ZNF831: variants seen among roughly 807,000 people sequenced by gnomAD.
The protein encoded by ZNF831 is zinc finger protein 831.
Under a neutral mutation model 95.8 loss-of-function variants are expected in ZNF831, and 59 were observed. The observed-to-expected ratio is 0.62, with a 90% CI of 0.50 to 0.77. The LOEUF (loss-of-function observed/expected upper bound fraction) is 0.77. Among genes scored for constraint, ZNF831 ranks in the 30% least tolerant of loss-of-function variants. The pLI, the probability that ZNF831 is intolerant of heterozygous loss-of-function variation, is 0.00. For synonymous variants in ZNF831, 961 were observed against 925.5 expected (o/e 1.04, Z -0.70); for missense variants, 2,205 against 2,164.0 (o/e 1.02, Z -0.38).
chr20:59,199,631 C>T (rs1379947802), intron 3 of ZNF831, among the ~76,000 whole-genome samples: 1 of 152,026 alleles, frequency 6.6e-6, no homozygotes, highest in African/African-American at 2.4e-5. Flanking sequence ...TCATATGCTT[C>T]CTAATATTTG....
intron 1 of ZNF831, among the ~76,000 whole-genome samples, chr20:59,175,366 A>G (rs1316045761): frequency 2.0e-5 from 3 of 152,068 alleles, no homozygotes. Context: ...CTCTGATGAT[A>G]GGAATATTAG....
At position 59,194,587 on chromosome 20, in the gene ZNF831, C is replaced by G. The variant is rs202068818; in HGVS notation, c.3568C>G (p.Arg1190Gly). ...GCGGCTCACGTGGTGTTGCCTGAGCCGCAGTGTCCCTCTGCCCGCGGAGCA... is the reference window on the plus strand; with the variant it reads ...GCGGCTCACGTGGTGTTGCCTGAGCGGCAGTGTCCCTCTGCCCGCGGAGCA... ...EPRLTWCCLS[R>G]SVPLPAEQKA... is the part of the protein sequence containing the mutation. Residue 1190 changes from arginine (R) to glycine (G), a missense_variant, in exon 2 of 6, where the codon CGC becomes GGC. Physicochemically the swap from Arg to Gly is moderately radical, Grantham distance 125. Coordinates refer to ENST00000371030, the MANE Select transcript of ZNF831 (RefSeq NM_178457.3). 14 of 1,610,382 alleles carry G rather than the reference C, an allele frequency of 8.7e-6. No individual in the cohort carries two copies. The highest frequency in any genetic ancestry group is 1.3e-5 in the African/African-American group (1 of 74,854).
intron 4 of ZNF831, among the ~76,000 whole-genome samples, chr20:59,231,244 G>T (rs1020139552): frequency 6.6e-6 from 1 of 152,220 alleles, no homozygotes; most frequent in African/African-American, 2.4e-5. Flanking sequence ...ATGTACTGTA[G>T]CTGGAAAATA....
intron 4 of ZNF831, among the ~76,000 whole-genome samples, chr20:59,226,848 T>G (rs1986461675): frequency 6.6e-6 from 1 of 152,016 alleles, no homozygotes; most frequent in Non-Finnish European, 1.5e-5. Context: ...GCATTTCACT[T>G]TCATCCCAGC....
At chr20:59,144,772 A>G (rs960428760) in intron 1 of ZNF831, among the ~76,000 whole-genome samples, 5 of 152,196 alleles carry the variant, frequency 3.3e-5, no homozygotes, top group African/African-American at 7.2e-5. Context: ...CACTGCCAAC[A>G]TAAGTGCGTC....
chr20:59,186,662 G>C (rs1020779350), intron 1 of ZNF831, among the ~76,000 whole-genome samples: 1 of 152,192 alleles, frequency 6.6e-6, no homozygotes, highest in African/African-American at 2.4e-5. Context: ...AGGTTGCAGC[G>C]TCTTGAGGTA....
intron 3 of ZNF831, among the ~76,000 whole-genome samples, chr20:59,200,151 T>C (rs1032953263): frequency 3.9e-5 from 6 of 152,212 alleles, no homozygotes; most frequent in African/African-American, 1.4e-4. Context: ...TGGTGTTCCA[T>C]AGTTTTACTT....
intron 4 of ZNF831, among the ~76,000 whole-genome samples, chr20:59,228,396 TGA>T (rs1166457162): frequency 1.3e-5 from 2 of 151,440 alleles, no homozygotes; most frequent in South Asian, 2.1e-4. Flanking sequence ...AGTTGGCTGC[TGA>T]CAGCCAACTA....
chr20:59,142,040 C>T (rs540504131), intron 1 of ZNF831, among the ~76,000 whole-genome samples: 28 of 152,218 alleles, frequency 1.8e-4, no homozygotes, highest in African/African-American at 6.5e-4. Context: ...TCTGTGTGGC[C>T]CCACAGCAAT....
At chr20:59,223,896 C>T (rs1299527060) in intron 4 of ZNF831, among the ~76,000 whole-genome samples, 1 of 152,218 alleles carries the variant, frequency 6.6e-6, no homozygotes, top group Non-Finnish European at 1.5e-5. Context: ...TAGTTTGAGA[C>T]CTTTACTTCA....
rs150626704 is a variant in ZNF831 at position 59,188,553 on chromosome 20, C to T, written c.-36-2431C>T. ...ACGCCTGTAGTCCCAGCTACTCAGG[C>T]GGCTGAGGCATGAGAATCGCTTGAA... On this transcript the variant is annotated intron_variant, in intron 1 of 5. Transcript: ENST00000371030. Among the ~76,000 whole-genome samples the T allele has an allele frequency of 3.1e-3, 468 of 151,808 alleles. 1 individual carries two copies. Among genetic ancestry groups the T allele is most frequent in the African/African-American group, 0.011 (448 of 41,398 alleles).
At chr20:59,175,425 T>C (rs966158795) in intron 1 of ZNF831, among the ~76,000 whole-genome samples, 4 of 151,720 alleles carry the variant, frequency 2.6e-5, no homozygotes, top group African/African-American at 9.7e-5. Context: ...TTTTTTTTTA[T>C]TTTTTTTAAT....
Position 59,136,222 on chromosome 20 carries a change from C to T in ZNF831, c.-1424-10009C>T, listed in dbSNP as rs560094335. 3.3e-5 allele frequency among the ~76,000 whole-genome samples: 5 copies of T among 152,310 alleles called. No individual in the cohort carries two copies. The East Asian group carries it at 9.6e-4, about 29-fold the overall frequency. On this transcript the variant is annotated intron_variant, in intron 1 of 7. Coordinates refer to the ZNF831 transcript ENST00000637017. ...ATGCTTCGAGTCTCTCTTCCTTCCC[C>T]TCCTGCCTCATCTCCTACCCTCTGC...
intron 1 of ZNF831, among the ~76,000 whole-genome samples, chr20:59,172,045 C>T (rs574571001): frequency 6.6e-6 from 1 of 152,286 alleles, no homozygotes; most frequent in South Asian, 2.1e-4. Flanking sequence ...CCTGGCTTTC[C>T]CTTCAATCAA....
chr20:59,127,987 A>G (rs1165579161), intron 1 of ZNF831, among the ~76,000 whole-genome samples: 3 of 152,224 alleles, frequency 2.0e-5, no homozygotes, highest in Non-Finnish European at 4.4e-5. Flanking sequence ...CACTGGCTGG[A>G]TGCTGGGCTG....
At chr20:59,179,855 A>G (rs1982473652) in intron 1 of ZNF831, among the ~76,000 whole-genome samples, 2 of 152,094 alleles carry the variant, frequency 1.3e-5, no homozygotes, top group Admixed American at 6.5e-5. Flanking sequence ...CTTGGATGCT[A>G]TTTTGGAGAA....
chr20:59,200,764 C>A (rs1239864145), intron 3 of ZNF831, among the ~76,000 whole-genome samples: 1 of 151,870 alleles, frequency 6.6e-6, no homozygotes, highest in Non-Finnish European at 1.5e-5. Flanking sequence ...TGGCTTTATT[C>A]ACTCAGTATT....
At chr20:59,201,374 A>G (rs1327528280) in intron 3 of ZNF831, among the ~76,000 whole-genome samples, 1 of 152,196 alleles carries the variant, frequency 6.6e-6, no homozygotes, top group Non-Finnish European at 1.5e-5. Context: ...TACTCTGATT[A>G]TAAGTTCCTT....
upstream of ZNF831, among the ~76,000 whole-genome samples, chr20:59,159,009 T>C (rs1980693241): frequency 6.6e-6 from 1 of 152,204 alleles, no homozygotes; most frequent in African/African-American, 2.4e-5. Context: ...GTGGTGATTT[T>C]TCATATAACT....
Sources: allele counts gnomAD v4.1 joint callset (sites outside exome capture counted in the v4.1 genomes callset), GRCh38; gene constraint gnomAD v4.1.1; transcripts MANE v1.5; gene names NCBI Gene and HGNC (gene_info 2026-07-23, HGNC 2026-07-21).